Variants in BNC2 observed in about 807,000 individuals in gnomAD.
The protein encoded by BNC2 is zinc finger protein basonuclin-2.
In BNC2, 20 loss-of-function variants were observed where a neutral mutation model predicts 76.3. The observed-to-expected ratio is 0.26, with a 90% CI of 0.18 to 0.38. The LOEUF is 0.38. Among genes scored for constraint, BNC2 ranks in the 10% least tolerant of loss-of-function variants. The pLI is 1.00. For synonymous variants in BNC2, 582 were observed against 514.8 expected (o/e 1.13, Z -1.77); for missense variants, 1,382 against 1,399.8 (o/e 0.99, Z 0.20).
At chr9:16,773,211 C>T (rs1825874951) in intron 1 of BNC2, among the ~76,000 whole-genome samples, 1 of 152,140 alleles carries the variant, frequency 6.6e-6, no homozygotes, top group Non-Finnish European at 1.5e-5. Flanking sequence ...CACACACATG[C>T]ACTATGGTAC....
In BNC2 at chr9:16,416,118, C is replaced by G. The variant is rs1486511048; in HGVS notation, c.*2871G>C. 1 of 152,186 alleles carries G rather than the reference C, an allele frequency of 6.6e-6. No homozygotes were observed. Among genetic ancestry groups the G allele is most frequent in the African/African-American group, 2.4e-5 (1 of 41,454 alleles). The allele number at this position is 152,186 out of a possible 1,614,324, so 9.4% of individuals were successfully genotyped here. A position where few individuals can be genotyped will look rare whatever the true frequency, so the allele number is the denominator to read the frequency against. The stretch of plus-strand genomic sequence containing the variant: ...ACTGCCGACAGCTATGTAATTCACT[C>G]ACGAGGGCTATCTGACCTTTTATTT... On this transcript the variant is annotated 3_prime_UTR_variant, in exon 7 of 7. Transcript: ENST00000380672.
intron 1 of BNC2, among the ~76,000 whole-genome samples, chr9:16,740,253 G>C (rs945052986): frequency 2.6e-5 from 4 of 152,196 alleles, no homozygotes; most frequent in African/African-American, 7.2e-5. Flanking sequence ...AATACAGTAA[G>C]AGCAAACCAA....
intron 3 of BNC2, among the ~76,000 whole-genome samples, chr9:16,599,725 G>A (rs1341317220): frequency 1.3e-5 from 2 of 152,236 alleles, no homozygotes; most frequent in Admixed American, 1.3e-4. Context: ...AGAGGTTGCA[G>A]TGAACCGAGA....
rs550661690 is a variant in BNC2, at chr9:16,675,175, T to C, written c.330+52622A>G. Among the ~76,000 whole-genome samples, 13 of 152,314 alleles carry C rather than the reference T, an allele frequency of 8.5e-5. No individual in the cohort carries two copies. The East Asian group carries it at 1.5e-3, about 18-fold the overall frequency. On this transcript the variant is annotated intron_variant, in intron 3 of 6. Transcript: ENST00000380672. The stretch of plus-strand genomic sequence containing the variant: ...CATTCTTCTTCACCTTTCCCTCACC[T>C]TTCCTGAGGTCTAACTGATATTTAC...
chr9:16,651,420 C>G (rs1821791545), intron 3 of BNC2, among the ~76,000 whole-genome samples: 1 of 152,146 alleles, frequency 6.6e-6, no homozygotes, highest in Non-Finnish European at 1.5e-5. Context: ...CTTTACTTTA[C>G]TATTACTTCA....
chr9:16,679,515 G>A (rs1822759656), intron 3 of BNC2, among the ~76,000 whole-genome samples: 1 of 152,154 alleles, frequency 6.6e-6, no homozygotes, highest in Admixed American at 6.5e-5. Context: ...TAGCTTAACA[G>A]CCTCATTTAT....
intron 1 of BNC2, chr9:16,867,808 G>T (rs1320257281): frequency 1.3e-5 from 2 of 149,074 alleles, no homozygotes; most frequent in Non-Finnish European, 3.0e-5. Flanking sequence ...TAACTTGGAA[G>T]GCAAAAAAAT....
chr9:16,674,095 A>G lies in BNC2; in HGVS notation c.330+53702T>C, dbSNP rs373158762. 4.3e-4 allele frequency among the ~76,000 whole-genome samples: 65 copies of G among 152,312 alleles called. 1 individual carries two copies. The highest frequency in any genetic ancestry group is 7.7e-4 in the East Asian group (4 of 5,190). ...ATTCCACTCAAAGCCTTTTAGATATATAAGTTCATCTCATTACAGCATCAA... is the reference window on the plus strand; with the variant it reads ...ATTCCACTCAAAGCCTTTTAGATATGTAAGTTCATCTCATTACAGCATCAA... On this transcript the variant is annotated intron_variant, in intron 3 of 6. Coordinates refer to ENST00000380672, the MANE Select transcript of BNC2 (RefSeq NM_017637.6).
At chr9:16,802,914 G>C (rs1450431538) in intron 1 of BNC2, among the ~76,000 whole-genome samples, 1 of 152,120 alleles carries the variant, frequency 6.6e-6, no homozygotes, top group East Asian at 1.9e-4. Context: ...TGTACTACTT[G>C]GCAAACTTAT....
At chr9:16,506,314 C>T (rs1822622498) in intron 5 of BNC2, among the ~76,000 whole-genome samples, 1 of 152,092 alleles carries the variant, frequency 6.6e-6, no homozygotes, top group Admixed American at 6.5e-5. Flanking sequence ...TTCAGGAAGA[C>T]AACCATTATT....
At chr9:16,844,986 G>C (rs996715098) in intron 1 of BNC2, among the ~76,000 whole-genome samples, 1 of 152,146 alleles carries the variant, frequency 6.6e-6, no homozygotes, top group African/African-American at 2.4e-5. Flanking sequence ...CATCGCCCAA[G>C]ATTTCCAAAC....
intron 2 of BNC2, among the ~76,000 whole-genome samples, chr9:16,731,893 CT>C (rs1824514453): frequency 6.6e-6 from 1 of 152,020 alleles, no homozygotes; most frequent in African/African-American, 2.4e-5. Flanking sequence ...GAAAATTTTA[CT>C]TTTTAAAACC....
At chr9:16,713,445 CTTTTTT>C (rs34090221) in intron 3 of BNC2, among the ~76,000 whole-genome samples, 1 of 128,212 alleles carries the variant, frequency 7.8e-6, no homozygotes, top group African/African-American at 3.0e-5. Flanking sequence ...GGAAAAGGCA[CTTTTTT>C]TTTTTTTTTT....
At position 16,496,569 on chromosome 9, in the gene BNC2, G is replaced by C. The variant is rs770182506; in HGVS notation, c.669+55961C>G. ...TTTAACCTGATTCCTTCATGCCTAAGAACAGACATCTAAGGTTTAAATCTA... is the reference window on the plus strand; with the variant it reads ...TTTAACCTGATTCCTTCATGCCTAACAACAGACATCTAAGGTTTAAATCTA... On this transcript the variant is annotated intron_variant, in intron 5 of 6. Transcript: ENST00000380672. 1.3e-4 allele frequency among the ~76,000 whole-genome samples: 20 copies of C among 152,326 alleles called. 1 individual carries two copies. Among genetic ancestry groups the C allele is most frequent in the Admixed American group, 1.3e-3 (20 of 15,300 alleles).
intron 6 of BNC2, among the ~76,000 whole-genome samples, chr9:16,428,330 A>G (rs759105610): frequency 1.3e-5 from 2 of 152,178 alleles, no homozygotes; most frequent in Non-Finnish European, 2.9e-5. Context: ...TCCACTGCCC[A>G]TCAGACCTAC....
chr9:16,617,060 G>A (rs541952504), intron 3 of BNC2, among the ~76,000 whole-genome samples: 4 of 152,224 alleles, frequency 2.6e-5, no homozygotes, highest in African/African-American at 9.6e-5. Context: ...CACAGTGTTG[G>A]CAATCTGGAG....
intron 1 of BNC2, among the ~76,000 whole-genome samples, chr9:16,757,118 G>A (rs5015537): frequency 0.81 from 123,083 of 151,980 alleles, 51,298 homozygotes; most frequent in Non-Finnish European, 0.91. Flanking sequence ...TGATGGCAGG[G>A]CTCTTTGAAC....
Position 16,436,785 on chromosome 9 carries a change from C to T in BNC2, c.1409G>A (p.Arg470Gln), listed in dbSNP as rs1821025911. ...CATGTTGCAACCTTCAATGGTGCATCGATGTTTGATCTTCAGGTGAACAGC... is the reference window on the plus strand; with the variant it reads ...CATGTTGCAACCTTCAATGGTGCATTGATGTTTGATCTTCAGGTGAACAGC... The part of the protein sequence containing the change: ...YNAVHLKIKH[R>Q]CTIEGCNMVF... Residue 470 changes from arginine to glutamine, a missense_variant, in exon 6 of 7, where the codon CGA becomes CAA. Physicochemically the swap from Arg to Gln is conservative, Grantham distance 43 (BLOSUM62 1). Coordinates refer to ENST00000380672, the MANE Select transcript of BNC2 (RefSeq NM_017637.6). 4 of 1,614,086 alleles carry T rather than the reference C, an allele frequency of 2.5e-6. No individual in the cohort carries two copies. The highest frequency in any genetic ancestry group is 3.4e-6 in the Non-Finnish European group (4 of 1,180,024).
At chr9:16,629,142 C>A (rs1241977028) in intron 3 of BNC2, among the ~76,000 whole-genome samples, 1 of 152,068 alleles carries the variant, frequency 6.6e-6, no homozygotes, top group African/African-American at 2.4e-5. Context: ...AAGGACTAAT[C>A]GGGAAGGTTT....
Sources: gnomAD v4.1 joint callset for allele counts (sites outside exome capture counted in the v4.1 genomes callset) on GRCh38, gnomAD v4.1.1 for gene constraint, MANE v1.5 for transcripts, NCBI Gene and HGNC (gene_info 2026-07-23, HGNC 2026-07-21) for gene names.